Variants in TMEM67 observed in about 807,000 individuals in gnomAD.
TMEM67 encodes meckelin.
A neutral mutation model predicts 136.6 loss-of-function variants in TMEM67; 124 were observed. The ratio of observed to expected loss-of-function variants is 0.91; its 90% confidence interval spans 0.78 to 1.05. The LOEUF (loss-of-function observed/expected upper bound fraction) is 1.05. Among genes scored for constraint, TMEM67 ranks in the 50% least tolerant of loss-of-function variants. The pLI, the probability that TMEM67 is intolerant of heterozygous loss-of-function variation, is 0.00. For synonymous variants in TMEM67, 364 were observed against 390.5 expected (o/e 0.93, Z 0.80); for missense variants, 1,107 against 1,178.4 (o/e 0.94, Z 0.89).
In TMEM67 at chr8:93,785,448, T is replaced by C. The variant is rs1350426342; in HGVS notation, c.1288+70T>C. ...ACAAATAAGTTAACCTACATGATAA[T>C]TTAATAAACCACTGATTATAAGAAA... On this transcript the variant is annotated intron_variant, in intron 12 of 27. Coordinates refer to ENST00000453321, the MANE Select transcript of TMEM67 (RefSeq NM_153704.6). The C allele has an allele frequency of 4.2e-6, 6 of 1,438,356 alleles. No individual in the cohort carries two copies. The South Asian group carries it at 5.8e-5, about 14-fold the overall frequency. 89.1% of individuals were successfully genotyped at this position (1,438,356 alleles called of 1,614,324 possible).
chr8:93,755,126 A>G lies in TMEM67; in HGVS notation c.212A>G (p.Gln71Arg). The change falls in exon 1 of 28, where the codon CAA (glutamine) becomes CGA (arginine). Residue 71 changes from glutamine (Q) to arginine (R), a missense_variant. By Grantham distance (43) the Gln-to-Arg change is conservative. Transcript: ENST00000453321. The stretch of plus-strand genomic sequence containing the variant: ...GTTCCTTGTGGAGCTAACCAGAGGC[A>G]AGATGCCCGAGGTAAGACGGTTTGC... ...SCVPCGANQR[Q>R]DARGTSCVCL... 6.2e-7 allele frequency: 1 copy of G among 1,614,156 alleles called. No homozygotes were observed. The highest frequency in any genetic ancestry group is 8.5e-7 in the Non-Finnish European group (1 of 1,180,010).
rs1336022150 is a variant in TMEM67, at chr8:93,797,132, A to C, written c.1861-2A>C. The C allele has an allele frequency of 6.3e-7, 1 of 1,577,800 alleles. No individual in the cohort carries two copies. The highest frequency in any genetic ancestry group is 2.2e-5 in the East Asian group (1 of 44,676). ...AGGTGTTTTATTATATGTCATTCTC[A>C]GGCACTACAATTTTTGCATAAGCTC... On this transcript the variant is annotated splice_acceptor_variant, in intron 18 of 27. Transcript: ENST00000453321. LOFTEE classifies it high-confidence loss of function.
At chr8:93,799,378 A>G (rs1481600247) in intron 20 of TMEM67, among the ~76,000 whole-genome samples, 2 of 152,212 alleles carry the variant, frequency 1.3e-5, no homozygotes, top group African/African-American at 4.8e-5. Context: ...CAATAAGGTT[A>G]TATTTGGCCC....
chr8:93,779,673 C>T (rs1030587064), intron 7 of TMEM67, among the ~76,000 whole-genome samples: 4 of 152,166 alleles, frequency 2.6e-5, no homozygotes, highest in African/African-American at 7.2e-5. Flanking sequence ...CCACTCCAGA[C>T]GCTGTTTTCC....
intron 3 of TMEM67, among the ~76,000 whole-genome samples, chr8:93,760,810 G>T (rs558781218): frequency 2.0e-5 from 3 of 151,964 alleles, no homozygotes; most frequent in African/African-American, 7.2e-5. Flanking sequence ...GACAGAGGTC[G>T]AAGTTCTTCA....
chr8:93,813,745 G>A lies in TMEM67; in HGVS notation c.2765-1560G>A, dbSNP rs542701299. 1.8e-4 allele frequency among the ~76,000 whole-genome samples: 27 copies of A among 152,214 alleles called. No homozygotes were observed. In the South Asian group the frequency reaches 1.9e-3, roughly 11 times the overall value. ...AGGTACTTCAGGACATCTAGGAAGA[G>A]GTATCCAGTAGGCATTAAATATAAG... is the stretch of plus-strand genomic sequence containing the variant. On this transcript the variant is annotated intron_variant, in intron 26 of 27. Coordinates refer to ENST00000453321, the MANE Select transcript of TMEM67 (RefSeq NM_153704.6).
At chr8:93,772,752 C>G (rs1175659421) in intron 7 of TMEM67, 101 bp downstream of exon 7, 1 of 823,492 alleles carries the variant, frequency 1.2e-6, no homozygotes, top group African/African-American at 1.7e-5. Context: ...GCTATAGCTT[C>G]TTGGTCATAA....
intron 7 of TMEM67, 31 bp from the exon 8 acceptor site, chr8:93,780,562 G>C (rs1362258311): frequency 1.2e-6 from 2 of 1,613,640 alleles, no homozygotes; most frequent in African/African-American, 2.7e-5. Flanking sequence ...TCAGGTTCAT[G>C]TTACTTTTCT....
Position 93,787,906 on chromosome 8 carries a change from A to G in TMEM67, c.1475A>G (p.Tyr492Cys). ...TACCCTCCCTTAATCACCATTGCCT[A>G]CAGTGACATTGATATCAAAGATGCC... ...NIYPPLITIA[Y>C]SDIDIKDANS... The change falls in exon 14 of 28, where the codon TAC (tyrosine) becomes TGC (cysteine). Residue 492 changes from tyrosine (Y) to cysteine (C), a missense_variant. Tyr to Cys is a radical substitution (Grantham distance 194). Coordinates refer to ENST00000453321, the MANE Select transcript of TMEM67 (RefSeq NM_153704.6). The G allele has an allele frequency of 6.2e-7, 1 of 1,614,102 alleles. No individual in the cohort carries two copies. The highest frequency in any genetic ancestry group is 8.5e-7 in the Non-Finnish European group (1 of 1,179,990).
intron 14 of TMEM67, among the ~76,000 whole-genome samples, chr8:93,789,440 A>G (rs1402521242): frequency 6.6e-6 from 1 of 152,016 alleles, no homozygotes; most frequent in Non-Finnish European, 1.5e-5. Flanking sequence ...TCAAGAATGT[A>G]TTTATTTTCA....
intron 18 of TMEM67, among the ~76,000 whole-genome samples, chr8:93,796,633 A>G (rs1814631646): frequency 6.6e-6 from 1 of 152,192 alleles, no homozygotes. Context: ...GCTTGTATAA[A>G]TAAGAAAGAT....
rs778383458 is a variant in TMEM67 at position 93,804,770 on chromosome 8, G to A, written c.2331G>A (p.Val777=). The stretch of plus-strand genomic sequence containing the variant: ...TTATTCTCTTTTTATAGATATCAGT[G>A]TTTCTGTTATCCCACAAATGTTTTG... The part of the protein sequence containing the change: ...VDLCSMSNIS[V]FLLSHKCFGY... The change falls in exon 23 of 28, where the codon GTG becomes GTA. Residue 777 remains valine, a synonymous_variant. Transcript: ENST00000453321. The A allele has an allele frequency of 3.8e-6, 6 of 1,568,858 alleles. No homozygotes were observed. The highest frequency in any genetic ancestry group is 1.7e-4 in the Middle Eastern group (1 of 5,970).
chr8:93,781,840 T>C (rs1057199695), intron 10 of TMEM67, 96 bp downstream of exon 10: 9 of 640,598 alleles, frequency 1.4e-5, no homozygotes, highest in Admixed American at 3.0e-5. Flanking sequence ...AAAGCATCAG[T>C]TACATACTAC....
intron 20 of TMEM67, among the ~76,000 whole-genome samples, chr8:93,797,810 C>T (rs1814687571): frequency 1.3e-5 from 2 of 152,000 alleles, no homozygotes; most frequent in Non-Finnish European, 2.9e-5. Context: ...GGAGAAACCC[C>T]GTCTCTACCA....
chr8:93,758,588 A>T lies in TMEM67; in HGVS notation c.406+12A>T, dbSNP rs575499078. ...TGGCCATATTTTAGGTAAGAATTAG[A>T]TTCCTTATAAAGAAGTAGTGATAAA... is the stretch of plus-strand genomic sequence containing the variant. On this transcript the variant is annotated intron_variant, in intron 3 of 27. Transcript: ENST00000453321. 1.9e-6 allele frequency: 3 copies of T among 1,589,014 alleles called. No individual in the cohort carries two copies. In the East Asian group the frequency reaches 6.7e-5, roughly 36 times the overall value.
intron 1 of TMEM67, 109 bp downstream of exon 1, chr8:93,755,246 C>G: frequency 8.8e-7 from 1 of 1,139,854 alleles, no homozygotes; most frequent in Admixed American, 1.7e-5. Context: ...TCTCGAACTT[C>G]TGACCTCAGG....
rs1049757219 is a variant in TMEM67 at position 93,780,702 on chromosome 8, T to C, written c.824T>C (p.Phe275Ser). Residue 275 changes from phenylalanine (F) to serine (S), a missense_variant, in exon 8 of 28, where the codon TTT becomes TCT. By Grantham distance (155) the Phe-to-Ser change is radical. Coordinates refer to ENST00000453321, the MANE Select transcript of TMEM67 (RefSeq NM_153704.6). ...FDACGLFQFI[F>S]ENTAGLSTVH... ...GCATGTGGACTATTTCAGTTTATCT[T>C]TGAAAATACTGCTGGACTGAGCACT... 2.5e-6 allele frequency: 4 copies of C among 1,613,984 alleles called. No individual in the cohort carries two copies. The highest frequency in any genetic ancestry group is 2.7e-5 in the African/African-American group (2 of 74,942).
rs1815167697 is a variant in TMEM67, at chr8:93,806,787, A to G, written c.2439+1909A>G. 2.0e-5 allele frequency among the ~76,000 whole-genome samples: 3 copies of G among 152,176 alleles called. No individual in the cohort carries two copies. The South Asian group carries it at 6.2e-4, about 31-fold the overall frequency. The stretch of plus-strand genomic sequence containing the variant: ...AACATGAAGCCATGAGAACCTAGAA[A>G]AGAATATTTCAGACTGGGAGATGAT... On this transcript the variant is annotated intron_variant, in intron 23 of 27. Transcript: ENST00000453321.
intron 13 of TMEM67, 131 bp downstream of exon 13, chr8:93,786,477 T>A: frequency 1.0e-6 from 1 of 978,018 alleles, no homozygotes; most frequent in Non-Finnish European, 1.6e-6. Context: ...GGTGTATGTG[T>A]AGATTGGCAT....
Sources: gnomAD v4.1 joint callset for allele counts (sites outside exome capture counted in the v4.1 genomes callset) on GRCh38, gnomAD v4.1.1 for gene constraint, MANE v1.5 for transcripts, NCBI Gene and HGNC (gene_info 2026-07-23, HGNC 2026-07-21) for gene names.